GPS1: variants seen among roughly 807,000 people sequenced by gnomAD.
GPS1 encodes COP9 signalosome complex subunit 1.
GPS1 carries 11 observed loss-of-function variants against 60.0 expected under a neutral mutation model. The observed-to-expected ratio is 0.18, with a 90% CI of 0.12 to 0.30. GPS1 has a LOEUF of 0.30. Among genes scored for constraint, GPS1 ranks in the 10% least tolerant of loss-of-function variants. The pLI is 1.00. For synonymous variants in GPS1, 343 were observed against 269.8 expected, an observed-to-expected ratio of 1.27 and a Z score of -2.66; for missense variants, 543 against 669.2, an observed-to-expected ratio of 0.81 and a Z score of 2.08.
chr17:82,052,317 G>A (rs928783804), intron 1 of GPS1: 1 of 1,612,926 alleles, frequency 6.2e-7, no homozygotes, highest in African/African-American at 1.3e-5. Context: ...ATGAGGGATA[G>A]CTCGGCCCCC....
At chr17:82,052,007 C>T (rs2030770339) in intron 1 of GPS1, 43 bp downstream of exon 1, 2 of 1,140,868 alleles carry the variant, frequency 1.8e-6, no homozygotes, top group Non-Finnish European at 2.2e-6. Flanking sequence ...CCCCCGCGCC[C>T]CCCGCCACTG....
Position 82,053,298 on chromosome 17 carries a change from G to T in GPS1, c.58G>T (p.Asp20Tyr). Residue 20 changes from aspartate to tyrosine, a missense_variant, in exon 2 of 13, where the codon GAC (aspartate) becomes TAC (tyrosine). Asp to Tyr is a radical substitution (Grantham distance 160). This residue lies in a region of GPS1 where 181 missense variants were observed against 188.8 expected (regional missense o/e 0.96). Transcript: ENST00000578552. ...GGGGGCCGTGGAGCCCATGCAGATC[G>T]ACGTGGACCCCCAGGAAGACCCGCA... ...LQGAVEPMQI[D>Y]VDPQEDPQNA... 1 of 1,549,968 alleles carries T rather than the reference G, an allele frequency of 6.5e-7. No homozygotes were observed. The highest frequency in any genetic ancestry group is 2.2e-5 in the Admixed American group (1 of 45,410).
chr17:82,051,515 G>T, upstream of GPS1: 2 of 1,394,340 alleles, frequency 1.4e-6, no homozygotes, highest in Non-Finnish European at 9.3e-7. This position sits in a 1 kb window ranked among gnomAD's most constrained non-coding sequence, Gnocchi z 4.1. Flanking sequence ...GGCGGGCCCG[G>T]GAGATCCAGG....
At chr17:82,054,204 G>T (rs2031919681) in intron 3 of GPS1, 155 bp downstream of exon 3, 1 of 852,218 alleles carries the variant, frequency 1.2e-6, no homozygotes, top group South Asian at 1.8e-5. Context: ...CAGTGGAAGT[G>T]CCCTGTGTGT....
upstream of GPS1, chr17:82,051,563 C>A: frequency 7.2e-7 from 1 of 1,391,560 alleles, no homozygotes; most frequent in Non-Finnish European, 9.4e-7. The surrounding 1 kb of genome is among the most constrained non-coding windows in gnomAD (Gnocchi z 4.1). Context: ...CGTGGTTCTT[C>A]CGGGTGGTCT....
At chr17:82,052,101 C>A in intron 1 of GPS1, 137 bp downstream of exon 1, 1 of 840,606 alleles carries the variant, frequency 1.2e-6, no homozygotes, top group African/African-American at 1.8e-5. Flanking sequence ...CCGCGGGCAG[C>A]GCGCGTCGGG....
intron 6 of GPS1, 51 bp from the exon 7 acceptor site, chr17:82,055,689 C>T (rs2032459719): frequency 1.5e-6 from 2 of 1,301,248 alleles, no homozygotes; most frequent in Non-Finnish European, 2.2e-6. Context: ...TCCCCAGGCT[C>T]TGGGGTCTTA....
chr17:82,053,319 C>T lies in GPS1; in HGVS notation c.79C>T (p.Pro27Ser), dbSNP rs780836115. The T allele has an allele frequency of 1.1e-5, 17 of 1,546,548 alleles. No homozygotes were observed. In the Admixed American group the frequency reaches 3.1e-4, roughly 28 times the overall value. Residue 27 changes from proline to serine, a missense_variant, in exon 2 of 13, where the codon CCG (proline) becomes TCG (serine). Physicochemically the swap from Pro to Ser is moderately conservative, Grantham distance 74 (BLOSUM62 -1). Around this residue, in one of 3 missense-constraint regions of GPS1, gnomAD observed 181 missense variants for 188.8 expected, o/e 0.96. Transcript: ENST00000578552. Reference protein sequence around the residue: ...MQIDVDPQEDPQNAPDVNYVV... With the variant: ...MQIDVDPQEDSQNAPDVNYVV... ...GATCGACGTGGACCCCCAGGAAGACCCGCAGAATGCACCTGACGTCAACTA... is the reference window on the plus strand; with the variant it reads ...GATCGACGTGGACCCCCAGGAAGACTCGCAGAATGCACCTGACGTCAACTA...
rs966671883 is a variant in GPS1 at position 82,054,690 on chromosome 17, C to T, written c.489C>T (p.Asp163=). The T allele has an allele frequency of 6.8e-6, 11 of 1,612,048 alleles. No individual in the cohort carries two copies. Among genetic ancestry groups the T allele is most frequent in the South Asian group, 1.1e-5 (1 of 91,090 alleles). The change falls in exon 4 of 13, where the codon GAC becomes GAT. Residue 163 remains aspartate, a synonymous_variant. Coordinates refer to ENST00000578552, the MANE Select transcript of GPS1 (RefSeq NM_001321092.3). Reference sequence around the variant, plus strand: ...AGAGCATCCGGCGCGGCCACGACGACCTGGGCGACCACTACCTGGACTGTG... The same window carrying T: ...AGAGCATCCGGCGCGGCCACGACGATCTGGGCGACCACTACCTGGACTGTG... ...IKESIRRGHD[D]LGDHYLDCGD... is the part of the protein sequence containing the mutation.
chr17:82,056,994 G>C lies in GPS1; in HGVS notation c.1389+20G>C. ...GTCAAGGTGGGCTGGCTTGAGGGGG[G>C]GCAGGCGCACGGCGTGTGGGGCCTG... On this transcript the variant is annotated intron_variant, in intron 12 of 12. Coordinates refer to ENST00000578552, the MANE Select transcript of GPS1 (RefSeq NM_001321092.3). 1.2e-6 allele frequency: 2 copies of C among 1,612,464 alleles called. No homozygotes were observed. The highest frequency in any genetic ancestry group is 1.7e-6 in the Non-Finnish European group (2 of 1,179,736).
rs1264652350 is a variant in GPS1 at position 82,057,165 on chromosome 17, C to A, written c.*38C>A. On this transcript the variant is annotated 3_prime_UTR_variant, in exon 13 of 13. Coordinates refer to ENST00000578552, the MANE Select transcript of GPS1 (RefSeq NM_001321092.3). ...GGCCTCCAGGACATCTGCACCCCCT[C>A]CCCACCTCCACGGACCTCGGACCTC... The A allele has an allele frequency of 6.4e-7, 1 of 1,571,668 alleles. No individual in the cohort carries two copies. Among genetic ancestry groups the A allele is most frequent in the African/African-American group, 1.3e-5 (1 of 74,114 alleles).
chr17:82,056,589 A>C (rs2032840615), intron 10 of GPS1, 39 bp downstream of exon 10: 2 of 1,612,416 alleles, frequency 1.2e-6, no homozygotes, highest in Non-Finnish European at 1.7e-6. Context: ...GCAGGCGGGC[A>C]TGCAGGGGGC....
chr17:82,052,966 C>G (rs367564651), intron 1 of GPS1: 89 of 274,444 alleles, frequency 3.2e-4, no homozygotes, highest in African/African-American at 1.9e-3. Flanking sequence ...TCAGAGGCCC[C>G]TGTGTAGTTG....
chr17:82,056,102 G>T lies in GPS1; in HGVS notation c.929+7G>T. 1 of 1,608,020 alleles carries T rather than the reference G, an allele frequency of 6.2e-7. No individual in the cohort carries two copies. Among genetic ancestry groups the T allele is most frequent in the Non-Finnish European group, 8.5e-7 (1 of 1,176,524 alleles). On this transcript the variant is annotated splice_region_variant and intron_variant, in intron 8 of 12. Coordinates refer to ENST00000578552, the MANE Select transcript of GPS1 (RefSeq NM_001321092.3). ...GCAATGTCATCTCCAGCAGGTAGGT[G>T]CCCCGGTCCTGCAGCCCTGAAGGCT...
chr17:82,051,862 C>A, upstream of GPS1: 2 of 1,152,940 alleles, frequency 1.7e-6, no homozygotes, highest in Non-Finnish European at 2.1e-6. This position sits in a 1 kb window ranked among gnomAD's most constrained non-coding sequence, Gnocchi z 4.1. Flanking sequence ...CCCGCCCCGC[C>A]CCGCGCCCCG....
intron 1 of GPS1, chr17:82,052,405 G>A (rs1274962143): frequency 1.2e-6 from 2 of 1,611,586 alleles, no homozygotes; most frequent in South Asian, 1.1e-5. Context: ...TGCCCGGCAC[G>A]GCCGGGGACT....
chr17:82,055,685 G>C, intron 6 of GPS1, 55 bp from the exon 7 acceptor site: 2 of 1,276,746 alleles, frequency 1.6e-6, no homozygotes, highest in Non-Finnish European at 2.2e-6. Context: ...GGCTTCCCCA[G>C]GCTCTGGGGT....
At chr17:82,056,170 C>T (rs2032688909) in intron 8 of GPS1, 75 bp downstream of exon 8, 2 of 1,376,830 alleles carry the variant, frequency 1.5e-6, no homozygotes, top group Admixed American at 1.7e-5. Flanking sequence ...CCTTGCATGT[C>T]CTGGCCCCCT....
chr17:82,055,467 C>G (rs1211494063), intron 6 of GPS1: 1 of 612,440 alleles, frequency 1.6e-6, no homozygotes, highest in Non-Finnish European at 2.9e-6. Flanking sequence ...CCAGCCCGAG[C>G]TGCTCTGAAC....
Sources: gnomAD v4.1 joint callset for allele counts on GRCh38, gnomAD v4.1.1 for gene constraint, gnomAD v4.1.1 regional missense constraint, Gnocchi (gnomAD v3.1) non-coding constraint, MANE v1.5 for transcripts, NCBI Gene and HGNC (gene_info 2026-07-23, HGNC 2026-07-21) for gene names.